The following MTCP1 variants were observed in gnomAD, a reference collection of about 807,000 sequenced individuals.
The protein encoded by MTCP1 is protein p13 MTCP-1.
MTCP1 carries 2 observed loss-of-function variants against 10.6 expected under a neutral mutation model. The ratio of observed to expected loss-of-function variants is 0.19; its 90% CI spans 0.08 to 0.59. The LOEUF is 0.59. Ranked by LOEUF, MTCP1 falls within the 20% of genes least tolerant of loss-of-function variation. MTCP1 has a pLI of 0.90. For synonymous variants in MTCP1, 29 were observed against 34.4 expected (o/e 0.84, Z 0.55); for missense variants, 33 against 91.5 (o/e 0.36, Z 2.61).
chrX:155,070,116 G>A (rs2073966010), intron 1 of MTCP1, among the ~76,000 whole-genome samples: 1 of 112,218 alleles, frequency 8.9e-6, no homozygotes, highest in African/African-American at 3.2e-5. Flanking sequence ...GGCTGCTGGC[G>A]TGCACATTAC....
rs191618749 is a variant in MTCP1, at chrX:155,065,452, A to G, written c.*4+34T>C. ...ACAACTGAATAGAGCCAAAACAAAGAGGGGGAGGACAGAGGAGAAATAGAA... is the reference window on the plus strand; with the variant it reads ...ACAACTGAATAGAGCCAAAACAAAGGGGGGGAGGACAGAGGAGAAATAGAA... On this transcript the variant is annotated intron_variant, in intron 4 of 4. Coordinates refer to ENST00000369476, the MANE Select transcript of MTCP1 (RefSeq NM_001018025.4). 6 of 1,168,481 alleles carry G rather than the reference A, an allele frequency of 5.1e-6. No individual in the cohort carries two copies. The African/African-American group carries it at 8.9e-5, about 17-fold the overall frequency.
chrX:155,064,984 G>C lies in MTCP1; in HGVS notation c.*420C>G, dbSNP rs1245615575. ...GTGAATTGCTGCAGGGCAAATAAGC[G>C]ACAAATAGATGTTGATGCTGCTAGG... is the stretch of plus-strand genomic sequence containing the variant. On this transcript the variant is annotated 3_prime_UTR_variant, in exon 5 of 5. Transcript: ENST00000369476. 8.5e-6 allele frequency: 1 copy of C among 117,597 alleles called. No individual in the cohort carries two copies. Among genetic ancestry groups the C allele is most frequent in the Non-Finnish European group, 1.8e-5 (1 of 57,028 alleles). The allele number at this position is 117,597 out of a possible 1,213,427, so 9.7% of individuals were successfully genotyped here. A position where few individuals can be genotyped will look rare whatever the true frequency, so the allele number is the denominator to read the frequency against.
At chrX:155,065,829 C>G (rs781879800) in intron 2 of MTCP1, 40 bp from the exon 3 acceptor site, 4 of 1,199,199 alleles carry the variant, frequency 3.3e-6, no homozygotes, top group East Asian at 3.0e-5. Context: ...CCAAAGACTT[C>G]AGAATATTGA....
At chrX:155,065,820 C>T in intron 2 of MTCP1, 31 bp from the exon 3 acceptor site, 1 of 1,201,724 alleles carries the variant, frequency 8.3e-7, no homozygotes, top group Non-Finnish European at 1.1e-6. Flanking sequence ...AAAATAAAAC[C>T]AAAGACTTCA....
intron 1 of MTCP1, among the ~76,000 whole-genome samples, chrX:155,069,541 T>C (rs1217617826): frequency 2.7e-5 from 3 of 112,501 alleles, no homozygotes; most frequent in East Asian, 5.5e-4. Flanking sequence ...GCAGAATTAT[T>C]ATCATCCCCA....
At chrX:155,066,231 T>G (rs781921163) in intron 1 of MTCP1, among the ~76,000 whole-genome samples, 174 bp from the exon 2 acceptor site, 15 of 112,417 alleles carry the variant, frequency 1.3e-4, no homozygotes, top group Non-Finnish European at 2.4e-4. Flanking sequence ...ACAACTAAAG[T>G]GACACTCAGG....
In MTCP1 at chrX:155,065,703, C is replaced by A. The variant is rs781918212; in HGVS notation, c.192G>T (p.Gln64His). Reference protein sequence around the residue: ...AARPSHLLTSQLPLMWQLYPE... With the variant: ...AARPSHLLTSHLPLMWQLYPE... Reference sequence around the variant, plus strand: ...GGTAGAGTTGCCACATGAGAGGTAGCTGGGAGGTAAGAAGGTGACTTGGCC... The same window carrying A: ...GGTAGAGTTGCCACATGAGAGGTAGATGGGAGGTAAGAAGGTGACTTGGCC... The change falls in exon 3 of 5, where the codon CAG (glutamine) becomes CAT (histidine). Residue 64 changes from glutamine to histidine, a missense_variant. By Grantham distance (24) the Gln-to-His change is conservative. Coordinates refer to ENST00000369476, the MANE Select transcript of MTCP1 (RefSeq NM_001018025.4). 8.3e-7 allele frequency: 1 copy of A among 1,211,392 alleles called. No homozygotes were observed. Among genetic ancestry groups the A allele is most frequent in the Non-Finnish European group, 1.1e-6 (1 of 895,192 alleles).
chrX:155,066,992 C>T (rs2073950867), intron 1 of MTCP1, among the ~76,000 whole-genome samples: 1 of 112,188 alleles, frequency 8.9e-6, no homozygotes, highest in Admixed American at 9.4e-5. Context: ...GTGCATTTTG[C>T]ATGAGTCAAT....
chrX:155,065,576 G>C (rs372751304), intron 3 of MTCP1, 39 bp from the exon 4 acceptor site: 10 of 1,205,175 alleles, frequency 8.3e-6, no homozygotes, highest in Non-Finnish European at 1.0e-5. Context: ...ACTCTGTTAC[G>C]AGAGTCCCAG....
At chrX:155,069,055 A>AATT (rs1557292218) in intron 1 of MTCP1, among the ~76,000 whole-genome samples, 4 of 112,730 alleles carry the variant, frequency 3.5e-5, no homozygotes, top group African/African-American at 1.3e-4. Flanking sequence ...CAAGACAGAC[A>AATT]ATTTCTTAGT....
At chrX:155,069,714 A>G (rs1343019922) in intron 1 of MTCP1, among the ~76,000 whole-genome samples, 4 of 112,081 alleles carry the variant, frequency 3.6e-5, no homozygotes, top group Non-Finnish European at 5.6e-5. Flanking sequence ...AAATGTTAAT[A>G]ATTTTGTTCT....
intron 1 of MTCP1, among the ~76,000 whole-genome samples, chrX:155,068,919 A>G (rs1211268284): frequency 8.9e-6 from 1 of 112,522 alleles, no homozygotes; most frequent in African/African-American, 3.2e-5. Context: ...AACTCAAGGA[A>G]TACTGCCAGC....
chrX:155,064,707 A>G lies in MTCP1; in HGVS notation c.*697T>C, dbSNP rs782773297. 1 of 112,365 alleles carries G rather than the reference A, an allele frequency of 8.9e-6. No individual in the cohort carries two copies. The highest frequency in any genetic ancestry group is 2.8e-4 in the East Asian group (1 of 3,606). 9.3% of individuals were successfully genotyped at this position (112,365 alleles called of 1,213,427 possible). A position where few individuals can be genotyped will look rare whatever the true frequency, so the allele number is the denominator to read the frequency against. ...TTTTCTTGAAGTTCTTATAGAAACC[A>G]GCTTATTTAAAATATCTGTAATCAG... On this transcript the variant is annotated 3_prime_UTR_variant, in exon 5 of 5. Coordinates refer to ENST00000369476, the MANE Select transcript of MTCP1 (RefSeq NM_001018025.4).
chrX:155,068,561 CT>C (rs782545937), intron 1 of MTCP1, among the ~76,000 whole-genome samples: 1 of 112,184 alleles, frequency 8.9e-6, no homozygotes, highest in African/African-American at 3.2e-5. Context: ...AATGCAAAGG[CT>C]GAGGGAGAGG....
rs782370425 is a variant in MTCP1 at position 155,065,651 on chromosome X, A to C, written c.244T>G (p.Ser82Ala). 1 of 1,209,731 alleles carries C rather than the reference A, an allele frequency of 8.3e-7. No homozygotes were observed. Among genetic ancestry groups the C allele is most frequent in the Non-Finnish European group, 1.1e-6 (1 of 895,099 alleles). ...TGATGCTGTATCTGCCACAAGCGAGAGTTGTTATCCATGTAGCGCTCCTCC... is the reference window on the plus strand; with the variant it reads ...TGATGCTGTATCTGCCACAAGCGAGCGTTGTTATCCATGTAGCGCTCCTCC... Reference protein sequence around the residue: ...YPEERYMDNNSRLWQIQHHLM... With the variant: ...YPEERYMDNNARLWQIQHHLM... The change falls in exon 3 of 5, where the codon TCT (serine) becomes GCT (alanine). Residue 82 changes from serine (S) to alanine (A), a missense_variant. Coordinates refer to ENST00000369476, the MANE Select transcript of MTCP1 (RefSeq NM_001018025.4).
chrX:155,070,344 G>A (rs1171987279), intron 1 of MTCP1, among the ~76,000 whole-genome samples: 1 of 112,163 alleles, frequency 8.9e-6, no homozygotes, highest in African/African-American at 3.2e-5. Flanking sequence ...CATATATTGT[G>A]CTTTGATTTA....
At chrX:155,069,046 AAGAC>A (rs1324376098) in intron 1 of MTCP1, among the ~76,000 whole-genome samples, 1 of 112,752 alleles carries the variant, frequency 8.9e-6, no homozygotes, top group Non-Finnish European at 1.9e-5. Flanking sequence ...CACACTGGCC[AAGAC>A]AGACAATTTC....
intron 1 of MTCP1, among the ~76,000 whole-genome samples, chrX:155,066,939 C>T (rs1342170103): frequency 8.9e-6 from 1 of 111,949 alleles, no homozygotes; most frequent in African/African-American, 3.3e-5. Context: ...CGATCCTCTG[C>T]CCAAGCCCCA....
intron 2 of MTCP1, 37 bp from the exon 3 acceptor site, chrX:155,065,826 C>A (rs1045235652): frequency 9.2e-6 from 11 of 1,199,531 alleles, no homozygotes; most frequent in Non-Finnish European, 1.2e-5. Context: ...AAACCAAAGA[C>A]TTCAGAATAT....
Sources: gnomAD v4.1 joint callset for allele counts (sites outside exome capture counted in the v4.1 genomes callset) on GRCh38, gnomAD v4.1.1 for gene constraint, MANE v1.5 for transcripts, NCBI Gene and HGNC (gene_info 2026-07-23, HGNC 2026-07-21) for gene names.